Variants in CD6 observed in about 807,000 individuals in gnomAD.
CD6 encodes CD6 molecule.
Under a neutral mutation model 75.3 loss-of-function variants are expected in CD6, and 53 were observed. The observed-to-expected ratio is 0.70, with a 90% confidence interval of 0.56 to 0.88. The LOEUF is 0.88. CD6 is among the 40% of genes least tolerant of loss of function. CD6 has a pLI of 0.00. For synonymous variants in CD6, 359 were observed against 381.5 expected (o/e 0.94, Z 0.69); for missense variants, 770 against 897.1 (o/e 0.86, Z 1.81).
At chr11:60,996,652 G>A (rs375707769) in intron 1 of CD6, among the ~76,000 whole-genome samples, 3 of 152,182 alleles carry the variant, frequency 2.0e-5, no homozygotes, top group Non-Finnish European at 2.9e-5. Flanking sequence ...CAGGGAGCAC[G>A]CCTCTCCCAA....
rs558583411 is a variant in CD6 at position 60,983,724 on chromosome 11, A to G, written c.49+11810A>G. ...TAATGCTGATACAATTCTATTGGAT[A>G]ATCGACAGAATTTATTCAGATTTTG... On this transcript the variant is annotated intron_variant, in intron 1 of 12. Coordinates refer to ENST00000313421, the MANE Select transcript of CD6 (RefSeq NM_006725.5). 2.6e-5 allele frequency among the ~76,000 whole-genome samples: 4 copies of G among 152,260 alleles called. No homozygotes were observed. The East Asian group carries it at 7.7e-4, about 29-fold the overall frequency.
At chr11:61,010,886 T>A (rs2135180969) in intron 5 of CD6, among the ~76,000 whole-genome samples, 184 bp from the exon 6 acceptor site, 1 of 147,806 alleles carries the variant, frequency 6.8e-6, no homozygotes, top group African/African-American at 2.5e-5. Flanking sequence ...ATCCATGAGT[T>A]CCTCCTTACT....
intron 1 of CD6, among the ~76,000 whole-genome samples, chr11:60,972,644 C>G (rs1156887989): frequency 1.3e-5 from 2 of 152,132 alleles, no homozygotes; most frequent in Non-Finnish European, 2.9e-5. Context: ...TGCAAGAGAT[C>G]CTGACCCCAT....
At chr11:60,996,035 C>G (rs1255758174) in intron 1 of CD6, among the ~76,000 whole-genome samples, 1 of 152,136 alleles carries the variant, frequency 6.6e-6, no homozygotes, top group Non-Finnish European at 1.5e-5. Context: ...GATTCCAACC[C>G]GGGGGAGTGG....
chr11:61,011,992 G>A (rs1422516482), intron 6 of CD6, among the ~76,000 whole-genome samples: 1 of 152,222 alleles, frequency 6.6e-6, no homozygotes, highest in East Asian at 1.9e-4. Flanking sequence ...GTCTGCTGTT[G>A]CTATGAGTAT....
At chr11:60,984,339 A>G (rs1857706204) in intron 1 of CD6, among the ~76,000 whole-genome samples, 1 of 151,864 alleles carries the variant, frequency 6.6e-6, no homozygotes, top group South Asian at 2.1e-4. Context: ...CGTGGGAGGG[A>G]GGCAGGTGGC....
At chr11:60,991,891 TAG>T (rs34214461) in intron 1 of CD6, among the ~76,000 whole-genome samples, 10,391 of 150,586 alleles carry the variant, frequency 0.069, 513 homozygotes, top group Non-Finnish European at 0.1. Flanking sequence ...TATATATCTA[TAG>T]AGAGAGAGAC....
intron 1 of CD6, among the ~76,000 whole-genome samples, chr11:60,993,017 G>A (rs1304729414): frequency 6.6e-6 from 1 of 151,904 alleles, no homozygotes; most frequent in Non-Finnish European, 1.5e-5. Flanking sequence ...TTATCCCTTG[G>A]GATTTTACTG....
chr11:60,971,960 G>T (rs149000485), intron 1 of CD6, 46 bp downstream of exon 1: 1 of 1,595,554 alleles, frequency 6.3e-7, no homozygotes, highest in Admixed American at 1.7e-5. Flanking sequence ...TGGAGGAGCC[G>T]GGTCCGGCCC....
chr11:60,971,977 TC>T, intron 1 of CD6, 63 bp downstream of exon 1: 1 of 1,530,284 alleles, frequency 6.5e-7, no homozygotes, highest in Non-Finnish European at 9.0e-7. Context: ...GCCCTCTCAG[TC>T]CCCTTTCTGG....
intron 6 of CD6, among the ~76,000 whole-genome samples, chr11:61,012,269 C>A (rs1333308746): frequency 1.3e-5 from 2 of 152,198 alleles, no homozygotes; most frequent in Non-Finnish European, 2.9e-5. Flanking sequence ...GGGATCCACG[C>A]CATCCTGGAA....
At chr11:60,990,307 C>A (rs1858009816) in intron 1 of CD6, among the ~76,000 whole-genome samples, 1 of 152,196 alleles carries the variant, frequency 6.6e-6, no homozygotes. Context: ...TCACTGCAAC[C>A]TTTGCCTCCT....
intron 10 of CD6, 43 bp from the exon 11 acceptor site, chr11:61,017,716 C>T: frequency 6.2e-7 from 1 of 1,612,448 alleles, no homozygotes; most frequent in East Asian, 2.2e-5. Flanking sequence ...AGCCCTCTTG[C>T]TGCACTGCTT....
At chr11:61,012,695 C>T (rs770120261) in intron 6 of CD6, among the ~76,000 whole-genome samples, 2 of 152,178 alleles carry the variant, frequency 1.3e-5, no homozygotes, top group South Asian at 4.1e-4. Context: ...GCTTCACATT[C>T]TTTTAAGCAG....
chr11:61,013,090 A>AG (rs765145294), intron 6 of CD6, among the ~76,000 whole-genome samples: 1 of 152,214 alleles, frequency 6.6e-6, no homozygotes, highest in Non-Finnish European at 1.5e-5. Context: ...CCCAGGGTCT[A>AG]GGGCCAGGCA....
Position 60,975,185 on chromosome 11 carries a change from G to C in CD6, c.49+3271G>C, listed in dbSNP as rs562682120. On this transcript the variant is annotated intron_variant, in intron 1 of 12. Transcript: ENST00000313421. The stretch of plus-strand genomic sequence containing the variant: ...GACTTTCGATGGGCCTTTAATATTT[G>C]AGCAAATGAAGTTGAACAGACCTAG... Among the ~76,000 whole-genome samples, 6 of 152,048 alleles carry C rather than the reference G, an allele frequency of 3.9e-5. No individual in the cohort carries two copies. The South Asian group carries it at 1.2e-3, about 32-fold the overall frequency.
chr11:61,013,011 G>C (rs1340077023), intron 6 of CD6, among the ~76,000 whole-genome samples: 1 of 152,150 alleles, frequency 6.6e-6, no homozygotes, highest in Non-Finnish European at 1.5e-5. Flanking sequence ...TACTGGACTG[G>C]GTTACTTATT....
intron 1 of CD6, among the ~76,000 whole-genome samples, chr11:60,984,579 G>A (rs369349034): frequency 5.3e-5 from 8 of 152,246 alleles, no homozygotes; most frequent in African/African-American, 1.2e-4. Flanking sequence ...ACAAAGTCCC[G>A]GTCTTCAAGA....
At position 61,013,553 on chromosome 11, in the gene CD6, A is replaced by T; in HGVS notation, c.1281A>T (p.Lys427Asn). The T allele has an allele frequency of 6.2e-7, 1 of 1,614,130 alleles. No homozygotes were observed. The highest frequency in any genetic ancestry group is 8.5e-7 in the Non-Finnish European group (1 of 1,180,010). Reference sequence around the variant, plus strand: ...TAGCCTTCATCCTCTTGAGAATTAAAGGAAAATATGGTAAGTGCAAGGTTC... The same window carrying T: ...TAGCCTTCATCCTCTTGAGAATTAATGGAAAATATGGTAAGTGCAAGGTTC... The part of the protein sequence containing the change: ...IFIAFILLRI[K>N]GKYALPVMVN... Residue 427 changes from lysine (K) to asparagine (N), a missense_variant, in exon 7 of 13, where the codon AAA (lysine) becomes AAT (asparagine). Transcript: ENST00000313421.
Sources: gnomAD v4.1 joint callset for allele counts (sites outside exome capture counted in the v4.1 genomes callset) on GRCh38, gnomAD v4.1.1 for gene constraint, MANE v1.5 for transcripts, NCBI Gene and HGNC (gene_info 2026-07-23, HGNC 2026-07-21) for gene names.